The following REDIC1 variants were observed in gnomAD, a reference collection of about 807,000 sequenced individuals.
REDIC1 encodes the protein regulator of DNA class I crossover intermediates 1.
At chr12:39,652,099 G>C in the REDIC1 span, among the ~76,000 whole-genome samples, 2 of 151,976 alleles carry the variant, frequency 1.3e-5, no homozygotes, top group African/African-American at 2.4e-5. Context: ...TTTTATTGCA[G>C]GGTAGTATTT....
the REDIC1 span, among the ~76,000 whole-genome samples, chr12:39,694,941 C>T: frequency 6.6e-6 from 1 of 152,172 alleles, no homozygotes; most frequent in African/African-American, 2.4e-5. Flanking sequence ...TGGTCAGAGT[C>T]ATGATGCCCC....
chr12:39,830,112 G>A, the REDIC1 span: 1 of 1,613,586 alleles, frequency 6.2e-7, no homozygotes, highest in Non-Finnish European at 8.5e-7. Flanking sequence ...CCTGCCCCAG[G>A]CTGCCTCATT....
At chr12:39,808,722 A>G in the REDIC1 span, among the ~76,000 whole-genome samples, 1 of 152,074 alleles carries the variant, frequency 6.6e-6, no homozygotes, top group African/African-American at 2.4e-5. Flanking sequence ...CCATCTTTTT[A>G]TAGTCTTTTG....
At chr12:39,711,894 T>TAC in the REDIC1 span, among the ~76,000 whole-genome samples, 9 of 131,234 alleles carry the variant, frequency 6.9e-5, no homozygotes, top group East Asian at 1.9e-3. Flanking sequence ...TGTATGTGTA[T>TAC]ACACGTATAC....
At chr12:39,640,925 CTA>C in the REDIC1 span, 1 of 1,581,220 alleles carries the variant, frequency 6.3e-7, no homozygotes, top group Non-Finnish European at 8.7e-7. Context: ...TCTTTGATCA[CTA>C]TATATTTTAT....
the REDIC1 span, among the ~76,000 whole-genome samples, chr12:39,881,317 G>T: frequency 6.6e-6 from 1 of 151,798 alleles, no homozygotes; most frequent in Admixed American, 6.6e-5. Context: ...CAATATGAGT[G>T]TGGTTTATGT....
the REDIC1 span, among the ~76,000 whole-genome samples, chr12:39,815,399 A>G: frequency 6.6e-6 from 1 of 152,226 alleles, no homozygotes; most frequent in Admixed American, 6.5e-5. Flanking sequence ...ATATAAAATC[A>G]TTTGGAAGAA....
chr12:39,721,392 C>T, the REDIC1 span: 37 of 676,052 alleles, frequency 5.5e-5, no homozygotes, highest in African/African-American at 2.0e-4. Flanking sequence ...TGTATATTCA[C>T]GGTTCATGTT....
At chr12:39,701,141 C>A in the REDIC1 span, among the ~76,000 whole-genome samples, 4 of 151,850 alleles carry the variant, frequency 2.6e-5, no homozygotes, top group Admixed American at 6.6e-5. Context: ...CACAGATTGG[C>A]AAATTGGATA....
At chr12:39,770,616 T>G in the REDIC1 span, among the ~76,000 whole-genome samples, 1 of 152,146 alleles carries the variant, frequency 6.6e-6, no homozygotes, top group Non-Finnish European at 1.5e-5. Context: ...ACATTAAATA[T>G]TCCCATCTGG....
the REDIC1 span, among the ~76,000 whole-genome samples, chr12:39,893,755 T>G: frequency 3.9e-5 from 6 of 152,264 alleles, no homozygotes; most frequent in Non-Finnish European, 8.8e-5. Flanking sequence ...CATTTTCAAG[T>G]TATTCATTAA....
chr12:39,738,099 G>A, the REDIC1 span, among the ~76,000 whole-genome samples: 1 of 152,138 alleles, frequency 6.6e-6, no homozygotes, highest in African/African-American at 2.4e-5. Flanking sequence ...TGAATGAAAA[G>A]ACCTATCGGA....
chr12:39,712,709 ATATAGACGTATACGTGTATATATG>A, the REDIC1 span, among the ~76,000 whole-genome samples: 348 of 4,922 alleles, frequency 0.071, 1 homozygote, highest in African/African-American at 0.28. Context: ...GTATATATGT[ATATAGACGTATACGTGTATATATG>A]TATATAGACG....
chr12:39,821,418 A>AC, the REDIC1 span, among the ~76,000 whole-genome samples: 1 of 152,126 alleles, frequency 6.6e-6, no homozygotes, highest in African/African-American at 2.4e-5. Flanking sequence ...TCAAAAAAAA[A>AC]AAATTTTTTT....
the REDIC1 span, chr12:39,830,563 G>C: frequency 5.6e-6 from 5 of 885,638 alleles, no homozygotes; most frequent in Admixed American, 2.5e-4. Context: ...CCAAACTGTA[G>C]ACTGCCTCAT....
chr12:39,887,509 A>AT, the REDIC1 span, among the ~76,000 whole-genome samples: 6 of 152,316 alleles, frequency 3.9e-5, no homozygotes, highest in East Asian at 1.2e-3. Flanking sequence ...AAAAAAGGGG[A>AT]TAAAAAAGGG....
chr12:39,773,894 T>C, the REDIC1 span, among the ~76,000 whole-genome samples: 19 of 152,188 alleles, frequency 1.2e-4, no homozygotes, highest in Non-Finnish European at 2.5e-4. Flanking sequence ...GTGTGACACA[T>C]CTACCATCGT....
At chr12:39,878,554 T>G in the REDIC1 span, among the ~76,000 whole-genome samples, 1 of 152,320 alleles carries the variant, frequency 6.6e-6, no homozygotes, top group African/African-American at 2.4e-5. Context: ...TTGAGATTGA[T>G]TACTACAGTA....
the REDIC1 span, among the ~76,000 whole-genome samples, chr12:39,689,027 C>T: frequency 6.6e-6 from 1 of 152,102 alleles, no homozygotes; most frequent in Non-Finnish European, 1.5e-5. Flanking sequence ...AAATGGCTTC[C>T]CAGCCAAGGA....
Sources: gnomAD v4.1 joint callset for allele counts (sites outside exome capture counted in the v4.1 genomes callset) on GRCh38, gnomAD v4.1.1 for gene constraint, MANE v1.5 for transcripts, NCBI Gene and HGNC (gene_info 2026-07-23, HGNC 2026-07-21) for gene names.